The following VSTM2B variants were observed in gnomAD, a reference collection of about 807,000 sequenced individuals.
VSTM2B encodes the protein V-set and transmembrane domain-containing protein 2B.
Under a neutral mutation model 24.0 loss-of-function variants are expected in VSTM2B, and 24 were observed. The ratio of observed to expected loss-of-function variants is 1.00; its 90% CI spans 0.72 to 1.40. The LOEUF (loss-of-function observed/expected upper bound fraction) is 1.40, where lower values mean the gene tolerates loss of function less well. Among genes scored for constraint, VSTM2B ranks in the 40% most tolerant of loss-of-function variants. The pLI is 0.00. For synonymous variants in VSTM2B, 226 were observed against 194.4 expected, an observed-to-expected ratio of 1.16 and a Z score of -1.35; for missense variants, 399 against 416.4, an observed-to-expected ratio of 0.96 and a Z score of 0.36.
chr19:29,536,647 C>T (rs555044924), intron 4 of VSTM2B, among the ~76,000 whole-genome samples: 5 of 152,284 alleles, frequency 3.3e-5, no homozygotes, highest in South Asian at 2.1e-4. Flanking sequence ...TGCTTCAGTC[C>T]GTCCCCCAGA....
chr19:29,543,885 G>A (rs2085262710), intron 4 of VSTM2B, among the ~76,000 whole-genome samples: 1 of 152,118 alleles, frequency 6.6e-6, no homozygotes, highest in South Asian at 2.1e-4. Context: ...GCATTCCCAA[G>A]TCCCAGAGTT....
intron 4 of VSTM2B, among the ~76,000 whole-genome samples, chr19:29,537,518 G>C (rs1038782659): frequency 6.6e-6 from 1 of 152,166 alleles, no homozygotes; most frequent in Non-Finnish European, 1.5e-5. Flanking sequence ...GTTTCTGGAA[G>C]TTATTGGTTG....
In VSTM2B at chr19:29,526,066, T is replaced by A. The variant is rs943092909; in HGVS notation, c.-518T>A. 2.6e-5 allele frequency among the ~76,000 whole-genome samples: 4 copies of A among 151,482 alleles called. No homozygotes were observed. The highest frequency in any genetic ancestry group is 4.9e-5 in the African/African-American group (2 of 41,218). On this transcript the variant is annotated 5_prime_UTR_variant, in exon 1 of 5. Coordinates refer to ENST00000335523, the MANE Select transcript of VSTM2B (RefSeq NM_001146339.2). This position sits in a 1 kb window ranked among gnomAD's most constrained non-coding sequence, Gnocchi z 4.1. ...GCTGCGCTGGGTCGGACGCCAGGTC[T>A]GCGCGCCGCGGCTGAGCGCCCACTC...
rs1213870833 is a variant in VSTM2B at position 29,527,398 on chromosome 19, A to G, written c.267+3A>G. On this transcript the variant is annotated splice_donor_region_variant and intron_variant, in intron 2 of 4. Transcript: ENST00000335523. ...GCGTGCCGGGCGCCCGGAGCAAGGT[A>G]ACCCGCCGCCCACGCGGTACCGGCG... 27 of 1,521,898 alleles carry G rather than the reference A, an allele frequency of 1.8e-5. No homozygotes were observed. The highest frequency in any genetic ancestry group is 2.3e-5 in the Non-Finnish European group (26 of 1,136,662). The allele number at this position is 1,521,898 out of a possible 1,614,324, so 94.3% of individuals were successfully genotyped here.
chr19:29,529,464 T>A (rs1028007935), intron 3 of VSTM2B, among the ~76,000 whole-genome samples: 3 of 152,148 alleles, frequency 2.0e-5, no homozygotes, highest in Non-Finnish European at 4.4e-5. Context: ...TGGGGTTTCC[T>A]GAAGGTGCAG....
At chr19:29,549,821 C>T (rs191583418) in intron 4 of VSTM2B, among the ~76,000 whole-genome samples, 8 of 152,324 alleles carry the variant, frequency 5.3e-5, no homozygotes, top group South Asian at 2.1e-4. Flanking sequence ...AGCTCGGAGA[C>T]GGAGGCTCCT....
At chr19:29,535,601 G>A (rs1969869707) in intron 4 of VSTM2B, among the ~76,000 whole-genome samples, 2 of 152,198 alleles carry the variant, frequency 1.3e-5, no homozygotes, top group Non-Finnish European at 2.9e-5. Context: ...TGTGGCTGCT[G>A]GGAGCCGTCA....
intron 4 of VSTM2B, among the ~76,000 whole-genome samples, chr19:29,536,210 A>C (rs1007679381): frequency 6.6e-6 from 1 of 152,106 alleles, no homozygotes. Context: ...TGTGGACCCA[A>C]ACTTAAAGGA....
intron 1 of VSTM2B, 168 bp from the exon 2 acceptor site, chr19:29,527,043 T>C (rs1969592634): frequency 1.6e-6 from 1 of 621,258 alleles, no homozygotes; most frequent in East Asian, 3.0e-5. Flanking sequence ...GCCTCGGCCC[T>C]GCAGCCGCTT....
At chr19:29,527,748 G>A (rs1349235656) in intron 2 of VSTM2B, among the ~76,000 whole-genome samples, 2 of 152,022 alleles carry the variant, frequency 1.3e-5, no homozygotes, top group Non-Finnish European at 2.9e-5. Flanking sequence ...GGCTCTCCCC[G>A]CCCTCTGCCA....
chr19:29,542,845 C>T (rs553368908), intron 4 of VSTM2B, among the ~76,000 whole-genome samples: 7 of 152,238 alleles, frequency 4.6e-5, no homozygotes, highest in Admixed American at 3.9e-4. Flanking sequence ...ATACTGCACA[C>T]TCATGTCTTC....
At chr19:29,534,183 A>T (rs940480513) in intron 4 of VSTM2B, among the ~76,000 whole-genome samples, 1 of 152,132 alleles carries the variant, frequency 6.6e-6, no homozygotes, top group Admixed American at 6.5e-5. Flanking sequence ...GACCTAGCCT[A>T]AAGGTCTGGG....
At chr19:29,528,489 C>G in intron 3 of VSTM2B, 27 bp downstream of exon 3, 1 of 1,550,516 alleles carries the variant, frequency 6.4e-7, no homozygotes, top group Non-Finnish European at 8.7e-7. Flanking sequence ...GCGCGGGCCG[C>G]GGGAGACCCC....
intron 4 of VSTM2B, among the ~76,000 whole-genome samples, chr19:29,553,367 C>A (rs1167744342): frequency 6.6e-6 from 1 of 152,188 alleles, no homozygotes; most frequent in African/African-American, 2.4e-5. Context: ...AGAAGCGGGG[C>A]CTGACTGTTA....
chr19:29,530,133 C>A lies in VSTM2B; in HGVS notation c.612C>A (p.Pro204=), dbSNP rs984926167. ...EPGRGDKSPP[P]GSPPAAIDPA... is the part of the protein sequence containing the mutation. Reference sequence around the variant, plus strand: ...GCCGCGGCGACAAGAGCCCGCCGCCCGGGAGCCCTCCCGCCGCCATCGATC... The same window carrying A: ...GCCGCGGCGACAAGAGCCCGCCGCCAGGGAGCCCTCCCGCCGCCATCGATC... The change falls in exon 4 of 5, where the codon CCC becomes CCA. Residue 204 remains proline, a synonymous_variant. Transcript: ENST00000335523. 7 of 1,458,600 alleles carry A rather than the reference C, an allele frequency of 4.8e-6. No individual in the cohort carries two copies. Among genetic ancestry groups the A allele is most frequent in the African/African-American group, 1.5e-5 (1 of 67,606 alleles). The allele number at this position is 1,458,600 out of a possible 1,614,324, so 90.4% of individuals were successfully genotyped here. A position where few individuals can be genotyped will look rare whatever the true frequency, so the allele number is the denominator to read the frequency against.
chr19:29,527,143 TC>T (rs1238124563), intron 1 of VSTM2B, 67 bp from the exon 2 acceptor site: 2 of 1,395,296 alleles, frequency 1.4e-6, no homozygotes, highest in Admixed American at 4.2e-5. Flanking sequence ...ACCGACTGCC[TC>T]GCTTTAGGTT....
intron 4 of VSTM2B, among the ~76,000 whole-genome samples, chr19:29,534,452 C>T (rs891728693): frequency 7.2e-5 from 11 of 152,154 alleles, no homozygotes; most frequent in African/African-American, 1.9e-4. Flanking sequence ...CAGTGGCTCA[C>T]GCCTGTAATC....
chr19:29,547,886 A>T (rs957123227), intron 4 of VSTM2B, among the ~76,000 whole-genome samples: 3 of 151,968 alleles, frequency 2.0e-5, no homozygotes, highest in Non-Finnish European at 4.4e-5. Flanking sequence ...GTCAGATTGA[A>T]GTGGGGGGAT....
intron 4 of VSTM2B, among the ~76,000 whole-genome samples, chr19:29,546,379 C>T (rs1970155247): frequency 6.6e-6 from 1 of 152,208 alleles, no homozygotes; most frequent in African/African-American, 2.4e-5. Context: ...ACCAAGGAGT[C>T]ACTGGAGATA....
Sources: gnomAD v4.1 joint callset for allele counts (sites outside exome capture counted in the v4.1 genomes callset) on GRCh38, gnomAD v4.1.1 for gene constraint, Gnocchi (gnomAD v3.1) non-coding constraint, MANE v1.5 for transcripts, NCBI Gene and HGNC (gene_info 2026-07-23, HGNC 2026-07-21) for gene names.